EXT1: variants seen among roughly 807,000 people sequenced by gnomAD.
EXT1 encodes exostosin-1.
In EXT1, 20 loss-of-function variants were observed where a neutral mutation model predicts 82.5. The ratio of observed to expected loss-of-function variants is 0.24; its 90% CI spans 0.17 to 0.35. The LOEUF is 0.35. EXT1 is among the 10% of genes least tolerant of loss of function. The pLI, the probability that EXT1 is intolerant of heterozygous loss-of-function variation, is 1.00. For missense variants in EXT1, 757 were observed against 936.5 expected (o/e 0.81, Z 2.50); for synonymous variants, 348 against 350.8 (o/e 0.99, Z 0.09).
At chr8:117,940,163 G>A (rs1338505061) in intron 1 of EXT1, among the ~76,000 whole-genome samples, 2 of 152,224 alleles carry the variant, frequency 1.3e-5, no homozygotes, top group African/African-American at 2.4e-5. Flanking sequence ...CATCCAAGAA[G>A]TAATACTTGT....
At chr8:118,028,163 C>A (rs995575615) in intron 1 of EXT1, among the ~76,000 whole-genome samples, 12 of 152,196 alleles carry the variant, frequency 7.9e-5, no homozygotes, top group Admixed American at 4.6e-4. Flanking sequence ...ACCTACAACA[C>A]GGGACAGATG....
chr8:117,823,401 G>A (rs1811957407), intron 4 of EXT1, among the ~76,000 whole-genome samples: 1 of 151,482 alleles, frequency 6.6e-6, no homozygotes, highest in Admixed American at 6.6e-5. Flanking sequence ...CTTTCTCTCT[G>A]TGACTTTCAA....
chr8:117,981,001 G>T (rs1197657847), intron 1 of EXT1, among the ~76,000 whole-genome samples: 1 of 152,092 alleles, frequency 6.6e-6, no homozygotes, highest in Non-Finnish European at 1.5e-5. Context: ...TGCATCAGTG[G>T]CTTCCTTTCA....
intron 1 of EXT1, among the ~76,000 whole-genome samples, chr8:117,950,383 T>C (rs1406587806): frequency 6.6e-6 from 1 of 152,228 alleles, no homozygotes; most frequent in Non-Finnish European, 1.5e-5. Context: ...AGCTGGCTGG[T>C]TGTAACAGCC....
intron 1 of EXT1, among the ~76,000 whole-genome samples, chr8:117,885,872 T>C (rs1397759393): frequency 1.8e-4 from 27 of 152,226 alleles, no homozygotes; most frequent in Non-Finnish European, 1.0e-4. Context: ...AAAGCCAGCA[T>C]TTCTGTGGAC....
At chr8:117,815,857 G>A (rs1334029048) in intron 7 of EXT1, among the ~76,000 whole-genome samples, 1 of 151,774 alleles carries the variant, frequency 6.6e-6, no homozygotes, top group African/African-American at 2.4e-5. Context: ...TTGAACCCAG[G>A]AGGCGGAGAT....
intron 1 of EXT1, among the ~76,000 whole-genome samples, chr8:117,940,410 C>G (rs1381697673): frequency 1.3e-5 from 2 of 152,070 alleles, no homozygotes; most frequent in Admixed American, 1.3e-4. Context: ...AAGAGCCCCC[C>G]GTATCTGGAA....
chr8:118,030,058 A>G (rs1292837277), intron 1 of EXT1, among the ~76,000 whole-genome samples: 2 of 152,186 alleles, frequency 1.3e-5, no homozygotes, highest in Admixed American at 1.3e-4. Context: ...TCTCTCATGA[A>G]GGTTGCAAAA....
chr8:117,805,651 G>A (rs1823225873), intron 9 of EXT1, among the ~76,000 whole-genome samples: 1 of 152,172 alleles, frequency 6.6e-6, no homozygotes, highest in Non-Finnish European at 1.5e-5. Context: ...GAATCAGTCA[G>A]CCTAAATGTT....
intron 1 of EXT1, among the ~76,000 whole-genome samples, chr8:117,986,224 C>G (rs985226580): frequency 2.7e-5 from 4 of 146,808 alleles, no homozygotes; most frequent in African/African-American, 1.0e-4. Flanking sequence ...AAGTCTCGCT[C>G]TGTCGCCCAG....
At chr8:118,047,251 T>A (rs947545823) in intron 1 of EXT1, among the ~76,000 whole-genome samples, 2 of 152,148 alleles carry the variant, frequency 1.3e-5, no homozygotes, top group African/African-American at 4.8e-5. Context: ...CACTAATTAC[T>A]AATAACGTGA....
intron 1 of EXT1, among the ~76,000 whole-genome samples, chr8:117,994,892 G>A (rs1405346818): frequency 6.6e-6 from 1 of 152,156 alleles, no homozygotes; most frequent in African/African-American, 2.4e-5. Flanking sequence ...TCCTAAATCT[G>A]AACACCACAG....
intron 1 of EXT1, among the ~76,000 whole-genome samples, chr8:118,014,686 C>T (rs1228866304): frequency 2.0e-5 from 3 of 152,052 alleles, no homozygotes; most frequent in Non-Finnish European, 4.4e-5. Context: ...GTGATCCCCT[C>T]GCCTCAGCCC....
At chr8:118,105,716 G>A (rs1484830239) in intron 1 of EXT1, among the ~76,000 whole-genome samples, 1 of 152,126 alleles carries the variant, frequency 6.6e-6, no homozygotes, top group Non-Finnish European at 1.5e-5. Flanking sequence ...CAACTGTGGG[G>A]AGAAAGGTGC....
intron 1 of EXT1, among the ~76,000 whole-genome samples, chr8:118,030,638 C>G (rs530587627): frequency 6.6e-6 from 1 of 152,110 alleles, no homozygotes; most frequent in Admixed American, 6.5e-5. Flanking sequence ...TGTGCCACCA[C>G]GCCCAGCTAA....
intron 3 of EXT1, among the ~76,000 whole-genome samples, chr8:117,833,467 T>C (rs1465484540): frequency 2.6e-5 from 4 of 152,028 alleles, no homozygotes; most frequent in African/African-American, 9.7e-5. Flanking sequence ...ATACAAAAAT[T>C]AGCTGAGTGT....
intron 1 of EXT1, among the ~76,000 whole-genome samples, chr8:118,100,596 A>G (rs1399602059): frequency 6.6e-6 from 1 of 152,080 alleles, no homozygotes; most frequent in African/African-American, 2.4e-5. Context: ...AAATACAAAA[A>G]TTAGCTGGGC....
At chr8:118,039,919 T>C (rs1026765642) in intron 1 of EXT1, among the ~76,000 whole-genome samples, 3 of 152,166 alleles carry the variant, frequency 2.0e-5, no homozygotes, top group Non-Finnish European at 4.4e-5. Context: ...TGTAAGCATT[T>C]TGACTTTGAA....
intron 1 of EXT1, among the ~76,000 whole-genome samples, chr8:118,022,495 G>A (rs1253214987): frequency 2.0e-5 from 3 of 151,078 alleles, no homozygotes; most frequent in African/African-American, 4.9e-5. Flanking sequence ...ATGCCACCAC[G>A]CCCAGCTAAT....
Sources: allele counts gnomAD v4.1 joint callset (sites outside exome capture counted in the v4.1 genomes callset), GRCh38; gene constraint gnomAD v4.1.1; transcripts MANE v1.5; gene names NCBI Gene and HGNC (gene_info 2026-07-23, HGNC 2026-07-21).